The following RIMS1 variants were observed in gnomAD, a reference collection of about 807,000 sequenced individuals.
RIMS1 encodes the protein regulating synaptic membrane exocytosis 1.
A neutral mutation model predicts 214.1 loss-of-function variants in RIMS1; 83 were observed. The ratio of observed to expected loss-of-function variants is 0.39; its 90% CI spans 0.32 to 0.47. The LOEUF is 0.47. Ranked by LOEUF, RIMS1 falls within the 20% of genes least tolerant of loss-of-function variation. RIMS1 has a pLI of 0.99. For missense variants in RIMS1, 2,050 were observed against 2,161.8 expected, an observed-to-expected ratio of 0.95 and a Z score of 1.03; for synonymous variants, 793 against 786.8, an observed-to-expected ratio of 1.01 and a Z score of -0.13.
intron 9 of RIMS1, among the ~76,000 whole-genome samples, chr6:72,239,738 C>T (rs144358347): frequency 6.6e-6 from 1 of 152,230 alleles, no homozygotes; most frequent in East Asian, 1.9e-4. Flanking sequence ...TATGAAGATC[C>T]TTCGGTGTTT....
At chr6:72,103,586 T>C (rs2153811863) in intron 4 of RIMS1, among the ~76,000 whole-genome samples, 1 of 152,242 alleles carries the variant, frequency 6.6e-6, no homozygotes, top group South Asian at 2.1e-4. Context: ...AGGGCTATGG[T>C]AGAAAGAGCT....
Position 72,260,853 on chromosome 6 carries a change from T to C in RIMS1, c.3116+86T>C. The C allele has an allele frequency of 1.2e-5, 19 of 1,560,622 alleles. No homozygotes were observed. In the South Asian group the frequency reaches 1.9e-4, roughly 15 times the overall value. ...TCTTCCGTCTCTCCCTTAGTGGTAT[T>C]ATTACAAGCAAGTCAAATAAATTTC... On this transcript the variant is annotated intron_variant, in intron 19 of 33. Transcript: ENST00000521978.
In RIMS1 at chr6:72,372,316, A is replaced by G. The variant is rs1177324150; in HGVS notation, c.4367-18282A>G. ...ATTTCCATGGCATTTAACCTTTACA[A>G]AATTACCCATCATTTCTCATCAAAA... On this transcript the variant is annotated intron_variant, in intron 29 of 33. Coordinates refer to ENST00000521978, the MANE Select transcript of RIMS1 (RefSeq NM_014989.7). 2.0e-5 allele frequency among the ~76,000 whole-genome samples: 3 copies of G among 152,210 alleles called. No individual in the cohort carries two copies. In the East Asian group the frequency reaches 5.8e-4, roughly 29 times the overall value.
chr6:72,311,351 T>C (rs2095500784), intron 27 of RIMS1, among the ~76,000 whole-genome samples: 1 of 152,212 alleles, frequency 6.6e-6, no homozygotes, highest in South Asian at 2.1e-4. Context: ...TTTTAGCACA[T>C]ATACTCTGTA....
chr6:72,219,144 T>C (rs938224087), intron 6 of RIMS1, among the ~76,000 whole-genome samples: 1 of 152,142 alleles, frequency 6.6e-6, no homozygotes, highest in African/African-American at 2.4e-5. Flanking sequence ...ACACTTTTAA[T>C]AAGTAAAACA....
chr6:72,366,332 T>C (rs1385508743), intron 29 of RIMS1, among the ~76,000 whole-genome samples: 3 of 152,190 alleles, frequency 2.0e-5, no homozygotes, highest in Admixed American at 2.0e-4. Flanking sequence ...TCCCCTTAAT[T>C]GTGTAAAAAC....
chr6:72,255,187 G>A (rs1477058050), intron 16 of RIMS1, among the ~76,000 whole-genome samples: 1 of 152,132 alleles, frequency 6.6e-6, no homozygotes, highest in Non-Finnish European at 1.5e-5. Flanking sequence ...TAAAATAAGG[G>A]CAAGAAGCTA....
chr6:72,014,461 G>T (rs1812016697), intron 2 of RIMS1, among the ~76,000 whole-genome samples: 1 of 152,158 alleles, frequency 6.6e-6, no homozygotes, highest in East Asian at 1.9e-4. Context: ...TTTATTGCTG[G>T]ATAATATTCC....
intron 1 of RIMS1, among the ~76,000 whole-genome samples, chr6:71,930,212 A>G (rs897425151): frequency 6.6e-6 from 1 of 152,076 alleles, no homozygotes; most frequent in African/African-American, 2.4e-5. Flanking sequence ...AAAAGGACAG[A>G]AGAGTATTGT....
At chr6:71,888,748 C>G (rs191806029) in intron 1 of RIMS1, among the ~76,000 whole-genome samples, 1 of 152,362 alleles carries the variant, frequency 6.6e-6, no homozygotes, top group Non-Finnish European at 1.5e-5. Flanking sequence ...GGGCCATTAA[C>G]TCCGAAGGCC....
intron 31 of RIMS1, 38 bp from the exon 32 acceptor site, chr6:72,398,211 A>C: frequency 7.5e-7 from 1 of 1,341,460 alleles, no homozygotes; most frequent in South Asian, 1.2e-5. Context: ...CATAACTGCA[A>C]AGAAGCTGAA....
chr6:72,131,424 G>A (rs2040413885), intron 4 of RIMS1, among the ~76,000 whole-genome samples: 1 of 152,148 alleles, frequency 6.6e-6, no homozygotes, highest in Admixed American at 6.5e-5. Context: ...ACAAAAGAGA[G>A]AAATTTTAAA....
chr6:72,148,355 T>C (rs1217704717), intron 4 of RIMS1, among the ~76,000 whole-genome samples: 1 of 152,152 alleles, frequency 6.6e-6, no homozygotes, highest in Admixed American at 6.5e-5. Flanking sequence ...CCTTTCTCTT[T>C]CTAGAAAAAC....
intron 2 of RIMS1, among the ~76,000 whole-genome samples, chr6:71,969,787 T>A (rs1192023520): frequency 5.9e-5 from 9 of 152,138 alleles, no homozygotes; most frequent in Non-Finnish European, 1.5e-5. Context: ...CCAGCCTGGG[T>A]GACAGAGTGA....
chr6:72,260,662 C>T (rs758824686), intron 18 of RIMS1, 43 bp from the exon 19 acceptor site: 4 of 1,606,378 alleles, frequency 2.5e-6, no homozygotes, highest in Non-Finnish European at 3.4e-6. Context: ...ACCCATGTCT[C>T]ATAATTTATC....
At chr6:72,000,895 G>A (rs909785023) in intron 2 of RIMS1, among the ~76,000 whole-genome samples, 3 of 151,754 alleles carry the variant, frequency 2.0e-5, no homozygotes, top group Non-Finnish European at 4.4e-5. Flanking sequence ...AACCTCTTCT[G>A]CCCACTTCTC....
chr6:72,015,109 G>A (rs1224338493), intron 2 of RIMS1, among the ~76,000 whole-genome samples: 1 of 152,126 alleles, frequency 6.6e-6, no homozygotes, highest in African/African-American at 2.4e-5. Context: ...TGGGATGAAA[G>A]TCTAAACATG....
At chr6:72,314,960 A>G (rs2095691044) in intron 28 of RIMS1, among the ~76,000 whole-genome samples, 1 of 152,166 alleles carries the variant, frequency 6.6e-6, no homozygotes, top group Non-Finnish European at 1.5e-5. Flanking sequence ...TTACTAACCA[A>G]TTGCATAGAA....
intron 4 of RIMS1, 123 bp downstream of exon 4, chr6:72,100,109 C>A: frequency 1.3e-6 from 1 of 760,144 alleles, no homozygotes; most frequent in Non-Finnish European, 2.2e-6. Flanking sequence ...CTAGGAAGAG[C>A]TCATTTCCAG....
Sources: allele counts gnomAD v4.1 joint callset (sites outside exome capture counted in the v4.1 genomes callset), GRCh38; gene constraint gnomAD v4.1.1; transcripts MANE v1.5; gene names NCBI Gene and HGNC (gene_info 2026-07-23, HGNC 2026-07-21).